L3MBTL4: variants seen among roughly 807,000 people sequenced by gnomAD.
L3MBTL4 encodes L3MBTL histone methyl-lysine binding protein 4.
Under a neutral mutation model 84.5 loss-of-function variants are expected in L3MBTL4, and 70 were observed. The ratio of observed to expected loss-of-function variants is 0.83; its 90% CI spans 0.68 to 1.01. The LOEUF is 1.01. L3MBTL4 is among the 50% of genes least tolerant of loss of function. L3MBTL4 has a pLI of 0.00. For missense variants in L3MBTL4, 715 were observed against 754.8 expected (o/e 0.95, Z 0.62); for synonymous variants, 274 against 259.8 (o/e 1.05, Z -0.52).
In L3MBTL4 at chr18:6,193,016, G is replaced by A. The variant is rs117713188; in HGVS notation, c.981+20133C>T. 9.1e-3 allele frequency among the ~76,000 whole-genome samples: 1,379 copies of A among 152,228 alleles called. 11 individuals are homozygous for A. The highest frequency in any genetic ancestry group is 0.014 in the Non-Finnish European group (966 of 68,010). ...GAGGCCCTGAGGGCTGCAGATTGACGGAGTTGGGATATTCAAAGAAATTAT... is the reference window on the plus strand; with the variant it reads ...GAGGCCCTGAGGGCTGCAGATTGACAGAGTTGGGATATTCAAAGAAATTAT... On this transcript the variant is annotated intron_variant, in intron 12 of 18. Coordinates refer to ENST00000317931, the MANE Select transcript of L3MBTL4 (RefSeq NM_001330559.2).
intron 10 of L3MBTL4, among the ~76,000 whole-genome samples, chr18:6,234,017 T>A (rs1012764972): frequency 6.4e-4 from 97 of 151,916 alleles, no homozygotes; most frequent in African/African-American, 2.3e-3. Flanking sequence ...ATACCACACA[T>A]CTACAACCAT....
At chr18:6,196,243 C>T (rs1246635004) in intron 12 of L3MBTL4, among the ~76,000 whole-genome samples, 1 of 150,792 alleles carries the variant, frequency 6.6e-6, no homozygotes, top group Non-Finnish European at 1.5e-5. Context: ...CTGCAAGCTC[C>T]ACCTCCCGGG....
At chr18:6,162,411 G>A (rs191224248) in intron 13 of L3MBTL4, among the ~76,000 whole-genome samples, 9 of 152,028 alleles carry the variant, frequency 5.9e-5, no homozygotes, top group African/African-American at 1.2e-4. Context: ...AAAAAAATCC[G>A]AAAGTTAAAC....
chr18:6,093,184 AT>A (rs1000647452), intron 15 of L3MBTL4, among the ~76,000 whole-genome samples, 170 bp downstream of exon 15: 2 of 152,242 alleles, frequency 1.3e-5, no homozygotes, highest in African/African-American at 4.8e-5. Context: ...TATTTTTTAA[AT>A]GAAGATCAAG....
intron 4 of L3MBTL4, among the ~76,000 whole-genome samples, chr18:6,291,035 G>A (rs2049842407): frequency 6.6e-6 from 1 of 152,166 alleles, no homozygotes; most frequent in African/African-American, 2.4e-5. Context: ...GCCCAAAGCT[G>A]TAACTAGAGA....
intron 1 of L3MBTL4, among the ~76,000 whole-genome samples, chr18:6,325,098 T>G (rs1479114528): frequency 6.6e-6 from 1 of 152,082 alleles, no homozygotes; most frequent in African/African-American, 2.4e-5. Context: ...CAACTCAGCA[T>G]GAACTTGAAA....
At chr18:6,075,262 C>T (rs1197507775) in intron 16 of L3MBTL4, among the ~76,000 whole-genome samples, 5 of 152,116 alleles carry the variant, frequency 3.3e-5, no homozygotes, top group African/African-American at 1.2e-4. Flanking sequence ...GAGCGGCATT[C>T]TTAGCTATCA....
At chr18:6,027,344 G>C (rs945322076) in intron 16 of L3MBTL4, among the ~76,000 whole-genome samples, 3 of 152,088 alleles carry the variant, frequency 2.0e-5, no homozygotes, top group African/African-American at 4.8e-5. Context: ...CTTCATGCAT[G>C]GTCCCTGCAA....
intron 13 of L3MBTL4, among the ~76,000 whole-genome samples, chr18:6,146,876 T>C (rs1448978052): frequency 6.6e-6 from 1 of 152,068 alleles, no homozygotes; most frequent in African/African-American, 2.4e-5. Context: ...GATCAGGGAC[T>C]GTCAGTAGTC....
chr18:6,398,031 T>A (rs928541197), intron 1 of L3MBTL4: 3 of 152,252 alleles, frequency 2.0e-5, no homozygotes, highest in Admixed American at 2.0e-4. Context: ...TAAGGTTATC[T>A]TCTTAAGGGG....
rs1173537329 is a variant in L3MBTL4 at position 6,124,951 on chromosome 18, C to G, written c.1199+13243G>C. ...AAATCTAATTAACACAATAGATATA[C>G]TGAATTAGGAAAAGAAAAGATAAAT... On this transcript the variant is annotated intron_variant, in intron 14 of 18. Transcript: ENST00000317931. Among the ~76,000 whole-genome samples, 2 of 150,906 alleles carry G rather than the reference C, an allele frequency of 1.3e-5. 1 individual carries two copies. Among genetic ancestry groups the G allele is most frequent in the Admixed American group, 1.3e-4 (2 of 15,164 alleles).
chr18:5,960,061 C>T lies in L3MBTL4; in HGVS notation c.1677+33G>A, dbSNP rs56672915. On this transcript the variant is annotated intron_variant, in intron 18 of 18. Transcript: ENST00000317931. ...ATACACACACATATATATATATATACATATATATATATATAATTTTTGCAT... is the reference window on the plus strand; with the variant it reads ...ATACACACACATATATATATATATATATATATATATATATAATTTTTGCAT... 988 of 373,608 alleles carry T rather than the reference C, an allele frequency of 2.6e-3. 12 individuals are homozygous for T. The highest frequency in any genetic ancestry group is 0.013 in the African/African-American group (544 of 41,002). 23.1% of individuals were successfully genotyped at this position (373,608 alleles called of 1,614,324 possible).
intron 4 of L3MBTL4, among the ~76,000 whole-genome samples, chr18:6,297,044 G>C (rs188643140): frequency 2.0e-5 from 3 of 152,138 alleles, no homozygotes; most frequent in African/African-American, 4.8e-5. Context: ...AAAAATAAGA[G>C]CATGAAAGCT....
intron 14 of L3MBTL4, 95 bp downstream of exon 14, chr18:6,138,099 G>T: frequency 2.7e-6 from 2 of 729,380 alleles, no homozygotes; most frequent in Non-Finnish European, 4.5e-6. Flanking sequence ...GGGGCAGCTG[G>T]CTCCATGAGA....
chr18:6,090,192 G>A (rs1391584718), intron 15 of L3MBTL4, among the ~76,000 whole-genome samples: 1 of 152,092 alleles, frequency 6.6e-6, no homozygotes, highest in South Asian at 2.1e-4. Flanking sequence ...CTGTGATATT[G>A]TGAGTATGAC....
intron 13 of L3MBTL4, among the ~76,000 whole-genome samples, chr18:6,139,781 G>A (rs1195207389): frequency 6.6e-6 from 1 of 152,140 alleles, no homozygotes; most frequent in Non-Finnish European, 1.5e-5. Context: ...CTCCAGAGAG[G>A]CAGGGAAGTC....
intron 4 of L3MBTL4, among the ~76,000 whole-genome samples, chr18:6,285,111 G>A (rs1227778244): frequency 6.6e-6 from 1 of 152,256 alleles, no homozygotes; most frequent in Non-Finnish European, 1.5e-5. Context: ...CCCACTCAGG[G>A]CGAGGAGGCG....
intron 16 of L3MBTL4, among the ~76,000 whole-genome samples, chr18:5,988,629 A>G (rs1330324139): frequency 2.0e-5 from 3 of 152,146 alleles, no homozygotes; most frequent in Admixed American, 6.5e-5. Context: ...TGTCCAGAGT[A>G]ATGAGTCAAT....
chr18:6,254,947 C>T (rs1158649712), intron 5 of L3MBTL4, among the ~76,000 whole-genome samples: 1 of 152,076 alleles, frequency 6.6e-6, no homozygotes, highest in African/African-American at 2.4e-5. Context: ...CATTTATGAA[C>T]AAAGAAAAAG....
Sources: allele counts gnomAD v4.1 joint callset (sites outside exome capture counted in the v4.1 genomes callset), GRCh38; gene constraint gnomAD v4.1.1; transcripts MANE v1.5; gene names NCBI Gene and HGNC (gene_info 2026-07-23, HGNC 2026-07-21).